Variants in NUBPL observed in about 807,000 individuals in gnomAD.
The protein encoded by NUBPL is NUBP iron-sulfur cluster assembly factor, mitochondrial, also known as iron-sulfur cluster transfer protein NUBPL.
NUBPL carries 31 observed loss-of-function variants against 45.7 expected under a neutral mutation model. The observed-to-expected ratio is 0.68, with a 90% confidence interval of 0.51 to 0.92. The LOEUF is 0.92. NUBPL is among the 40% of genes least tolerant of loss of function. NUBPL has a pLI of 0.00. For missense variants in NUBPL, 401 were observed against 398.7 expected, an observed-to-expected ratio of 1.01 and a Z score of -0.05; for synonymous variants, 144 against 140.9, an observed-to-expected ratio of 1.02 and a Z score of -0.15.
At chr14:31,748,192 T>G (rs1342818778) in intron 6 of NUBPL, among the ~76,000 whole-genome samples, 2 of 152,210 alleles carry the variant, frequency 1.3e-5, no homozygotes, top group Non-Finnish European at 2.9e-5. Context: ...TTTTAAAAAT[T>G]TGTTGAGATT....
intron 6 of NUBPL, among the ~76,000 whole-genome samples, chr14:31,786,301 A>G (rs1415650303): frequency 1.3e-5 from 2 of 152,226 alleles, no homozygotes; most frequent in Non-Finnish European, 2.9e-5. Context: ...GCATGTGTTC[A>G]TTTAGCCATT....
chr14:31,643,986 A>G (rs956941360), intron 4 of NUBPL, among the ~76,000 whole-genome samples: 3 of 151,752 alleles, frequency 2.0e-5, no homozygotes, highest in Non-Finnish European at 2.9e-5. Context: ...TTGAGTTGTT[A>G]TATCTCCTTT....
At chr14:31,762,748 A>T (rs1245052861) in intron 6 of NUBPL, among the ~76,000 whole-genome samples, 1 of 151,914 alleles carries the variant, frequency 6.6e-6, no homozygotes, top group Non-Finnish European at 1.5e-5. Flanking sequence ...TGGGTGTGGC[A>T]TAGCCTTCCT....
chr14:31,856,115 T>C (rs12589862), intron 10 of NUBPL, among the ~76,000 whole-genome samples: 81,231 of 152,048 alleles, frequency 0.53, 22,540 homozygotes, highest in Middle Eastern at 0.66. Flanking sequence ...AGAGGTTTAT[T>C]GGACTTACAG....
chr14:31,662,211 T>G (rs1181437048), intron 4 of NUBPL: 3 of 151,808 alleles, frequency 2.0e-5, no homozygotes, highest in Non-Finnish European at 4.4e-5. Flanking sequence ...GCTTTCAATT[T>G]ATAATTTATC....
rs151152201 is a variant in NUBPL, at chr14:31,766,977, G to T, written c.514-20803G>T. Among the ~76,000 whole-genome samples the T allele has an allele frequency of 6.6e-3, 994 of 151,016 alleles. 11 individuals are homozygous for T. The highest frequency in any genetic ancestry group is 0.023 in the African/African-American group (931 of 41,122). ...TAGTTCTTAAAAAAGGAAGCAGAGG[G>T]AACAAATACATAATTAAAAAAAAAA... On this transcript the variant is annotated intron_variant, in intron 6 of 10. Transcript: ENST00000281081.
At chr14:31,765,454 G>C (rs2038895023) in intron 6 of NUBPL, among the ~76,000 whole-genome samples, 1 of 152,094 alleles carries the variant, frequency 6.6e-6, no homozygotes, top group African/African-American at 2.4e-5. Context: ...TGATAACCTG[G>C]ACCAAGGAGG....
intron 6 of NUBPL, among the ~76,000 whole-genome samples, chr14:31,695,137 A>G (rs991909552): frequency 4.6e-5 from 7 of 152,232 alleles, no homozygotes; most frequent in Admixed American, 1.3e-4. Flanking sequence ...TTTAAGGTCC[A>G]TGTCATAGCG....
intron 4 of NUBPL, among the ~76,000 whole-genome samples, chr14:31,666,249 A>ATG (rs1555326183): frequency 2.3e-4 from 8 of 35,050 alleles, no homozygotes; most frequent in Admixed American, 8.5e-4. Flanking sequence ...ATATATATAT[A>ATG]TATATATATA....
chr14:31,782,015 T>G (rs1247787579), intron 6 of NUBPL, among the ~76,000 whole-genome samples: 1 of 152,208 alleles, frequency 6.6e-6, no homozygotes, highest in African/African-American at 2.4e-5. Context: ...ATTGTGAAGC[T>G]TCTTTTAAAT....
chr14:31,754,033 C>T (rs1010018281), intron 6 of NUBPL, among the ~76,000 whole-genome samples: 1 of 151,934 alleles, frequency 6.6e-6, no homozygotes, highest in Non-Finnish European at 1.5e-5. Context: ...ATAGCCATTC[C>T]ACGATGTCTG....
intron 6 of NUBPL, among the ~76,000 whole-genome samples, chr14:31,774,411 C>T (rs1237204665): frequency 6.6e-6 from 1 of 152,104 alleles, no homozygotes; most frequent in African/African-American, 2.4e-5. Context: ...TTCATTGGAC[C>T]CTTTCTGTTC....
At chr14:31,645,028 T>G (rs558389026) in intron 4 of NUBPL, among the ~76,000 whole-genome samples, 210 of 152,138 alleles carry the variant, frequency 1.4e-3, no homozygotes, top group Middle Eastern at 0.01. Flanking sequence ...ACTTTCAGTT[T>G]ATGTGTGTCT....
At chr14:31,630,692 G>A (rs2035318274) in intron 4 of NUBPL, among the ~76,000 whole-genome samples, 1 of 152,172 alleles carries the variant, frequency 6.6e-6, no homozygotes, top group Non-Finnish European at 1.5e-5. Context: ...GTCCAGAGCA[G>A]CCTTTAGTGT....
chr14:31,782,599 C>T (rs911393368), intron 6 of NUBPL, among the ~76,000 whole-genome samples: 7 of 151,904 alleles, frequency 4.6e-5, no homozygotes, highest in South Asian at 2.1e-4. Flanking sequence ...GAGACCAGCC[C>T]GGCCAACATG....
intron 7 of NUBPL, among the ~76,000 whole-genome samples, chr14:31,822,109 G>T (rs1379515415): frequency 1.3e-5 from 2 of 152,060 alleles, no homozygotes; most frequent in Admixed American, 1.3e-4. Flanking sequence ...GAATGAATAA[G>T]ACCTAGTATT....
chr14:31,751,268 T>C (rs1300156932), intron 6 of NUBPL, among the ~76,000 whole-genome samples: 3 of 152,244 alleles, frequency 2.0e-5, no homozygotes, highest in African/African-American at 7.2e-5. Context: ...TCTTAACTTA[T>C]TCCAGCATTA....
chr14:31,657,266 T>G (rs565039470), intron 4 of NUBPL, among the ~76,000 whole-genome samples: 1 of 152,336 alleles, frequency 6.6e-6, no homozygotes, highest in East Asian at 1.9e-4. Context: ...ACTTCTTTAC[T>G]ATGATTTCTT....
chr14:31,853,607 AGT>A (rs1223937567), intron 10 of NUBPL, among the ~76,000 whole-genome samples: 1 of 152,212 alleles, frequency 6.6e-6, no homozygotes, highest in African/African-American at 2.4e-5. Context: ...CTAAAAAGGT[AGT>A]GATTAATTTA....
Sources: allele counts gnomAD v4.1 joint callset (sites outside exome capture counted in the v4.1 genomes callset), GRCh38; gene constraint gnomAD v4.1.1; transcripts MANE v1.5; gene names NCBI Gene and HGNC (gene_info 2026-07-23, HGNC 2026-07-21).